The following DPYD variants were observed in gnomAD, a reference collection of about 807,000 sequenced individuals.
DPYD encodes the protein dihydropyrimidine dehydrogenase.
A neutral mutation model predicts 116.2 loss-of-function variants in DPYD; 109 were observed. The observed-to-expected ratio is 0.94, with a 90% CI of 0.80 to 1.10. The LOEUF (loss-of-function observed/expected upper bound fraction) is 1.10. Ranked by LOEUF, DPYD falls within the 50% of genes least tolerant of loss-of-function variation. DPYD has a pLI of 0.00. For missense variants in DPYD, 1,302 were observed against 1,254.5 expected (o/e 1.04, Z -0.57); for synonymous variants, 440 against 432.0 (o/e 1.02, Z -0.23).
chr1:97,493,092 A>C (rs1440638972), intron 13 of DPYD, among the ~76,000 whole-genome samples: 4 of 152,204 alleles, frequency 2.6e-5, no homozygotes, highest in Non-Finnish European at 5.9e-5. Flanking sequence ...AACAACTTTC[A>C]TTTCAGTGTT....
chr1:97,175,003 C>T (rs1031906619), intron 20 of DPYD, among the ~76,000 whole-genome samples: 18 of 152,028 alleles, frequency 1.2e-4, no homozygotes, highest in Non-Finnish European at 1.0e-4. Flanking sequence ...GTTTCTTTTC[C>T]TTATATGTTT....
At chr1:97,852,949 A>C (rs1670643621) in intron 2 of DPYD, among the ~76,000 whole-genome samples, 1 of 152,194 alleles carries the variant, frequency 6.6e-6, no homozygotes, top group Non-Finnish European at 1.5e-5. Context: ...ATTGAAAATC[A>C]ATTGGCTGTC....
At chr1:97,192,698 A>T (rs1658457745) in intron 20 of DPYD, among the ~76,000 whole-genome samples, 1 of 152,204 alleles carries the variant, frequency 6.6e-6, no homozygotes, top group Non-Finnish European at 1.5e-5. Context: ...TCAAGACTAC[A>T]GTGATTTGAT....
chr1:97,081,015 A>C (rs1649113489), intron 22 of DPYD, among the ~76,000 whole-genome samples: 1 of 152,162 alleles, frequency 6.6e-6, no homozygotes, highest in African/African-American at 2.4e-5. Flanking sequence ...GACGACATGA[A>C]AGTAAATGTG....
intron 2 of DPYD, among the ~76,000 whole-genome samples, chr1:97,839,680 G>T (rs1467182164): frequency 6.6e-6 from 1 of 152,040 alleles, no homozygotes; most frequent in African/African-American, 2.4e-5. Flanking sequence ...ATATATCCTT[G>T]TACATGTGTG....
intron 18 of DPYD, among the ~76,000 whole-genome samples, chr1:97,241,692 T>C (rs1034476715): frequency 4.6e-5 from 7 of 151,884 alleles, no homozygotes; most frequent in South Asian, 2.1e-4. Flanking sequence ...CTTTATACAA[T>C]TGTAGCTTTG....
chr1:97,821,507 AAAG>A (rs1668936902), intron 3 of DPYD, among the ~76,000 whole-genome samples: 1 of 152,160 alleles, frequency 6.6e-6, no homozygotes, highest in South Asian at 2.1e-4. Context: ...AATATGATGA[AAAG>A]AAGTTGAGAA....
intron 19 of DPYD, among the ~76,000 whole-genome samples, chr1:97,228,145 G>GT (rs554575425): frequency 0.066 from 9,242 of 140,878 alleles, 877 homozygotes; most frequent in African/African-American, 0.22. Context: ...GACTTTAGTT[G>GT]TTTTTTTTTT....
At chr1:97,165,048 T>A (rs1322342060) in intron 20 of DPYD, among the ~76,000 whole-genome samples, 7 of 152,128 alleles carry the variant, frequency 4.6e-5, no homozygotes, top group African/African-American at 1.4e-4. Context: ...AAATTATCAA[T>A]GATATTCTTC....
intron 13 of DPYD, among the ~76,000 whole-genome samples, chr1:97,512,489 A>G (rs1299580512): frequency 6.6e-6 from 1 of 151,910 alleles, no homozygotes; most frequent in Non-Finnish European, 1.5e-5. Flanking sequence ...TTATCTGTGC[A>G]GTAATAAAGC....
intron 5 of DPYD, chr1:97,700,069 T>C (rs1661511907): frequency 2.8e-6 from 1 of 350,986 alleles, no homozygotes; most frequent in Admixed American, 3.9e-5. Flanking sequence ...AAAAAAATAG[T>C]TGAAACATTC....
chr1:97,876,567 T>C (rs752076458), intron 2 of DPYD, among the ~76,000 whole-genome samples: 28 of 151,990 alleles, frequency 1.8e-4, no homozygotes, highest in Admixed American at 4.6e-4. Context: ...ATTTGAGAAC[T>C]TGCTGGATAG....
At chr1:97,366,694 G>A (rs961791544) in intron 16 of DPYD, among the ~76,000 whole-genome samples, 3 of 152,064 alleles carry the variant, frequency 2.0e-5, no homozygotes, top group Non-Finnish European at 4.4e-5. Context: ...AAGTCACAAG[G>A]AATGAGAAGA....
At chr1:97,226,960 T>A (rs1333512426) in intron 19 of DPYD, among the ~76,000 whole-genome samples, 1 of 152,062 alleles carries the variant, frequency 6.6e-6, no homozygotes, top group Non-Finnish European at 1.5e-5. Context: ...ATCATAGAAA[T>A]AAACAGTGCC....
intron 12 of DPYD, among the ~76,000 whole-genome samples, chr1:97,524,130 G>A (rs1409454616): frequency 6.6e-6 from 1 of 152,126 alleles, no homozygotes; most frequent in African/African-American, 2.4e-5. Flanking sequence ...CTGTAACGGG[G>A]AGAAACCCAA....
At chr1:97,229,574 ATATATATATATAT>A (rs1414007115) in intron 19 of DPYD, among the ~76,000 whole-genome samples, 5,480 of 84,426 alleles carry the variant, frequency 0.065, 211 homozygotes, top group Middle Eastern at 0.093. Context: ...ATATATATAT[ATATATATATATAT>A]ATACTGATTT....
intron 8 of DPYD, among the ~76,000 whole-genome samples, chr1:97,613,733 A>G (rs540413452): frequency 6.6e-6 from 1 of 152,042 alleles, no homozygotes; most frequent in East Asian, 1.9e-4. Flanking sequence ...TGACAGAAAT[A>G]AGATAAATAG....
At chr1:97,511,141 C>T (rs2101962184) in intron 13 of DPYD, among the ~76,000 whole-genome samples, 1 of 152,060 alleles carries the variant, frequency 6.6e-6, no homozygotes, top group East Asian at 1.9e-4. Context: ...TGCCAACCCA[C>T]ATGACTATAG....
chr1:97,606,232 A>C (rs1373649538), intron 8 of DPYD, among the ~76,000 whole-genome samples: 1 of 152,122 alleles, frequency 6.6e-6, no homozygotes, highest in Non-Finnish European at 1.5e-5. Flanking sequence ...GCTAAACACC[A>C]TATTAGGTGA....
Sources: gnomAD v4.1 joint callset for allele counts (sites outside exome capture counted in the v4.1 genomes callset) on GRCh38, gnomAD v4.1.1 for gene constraint, MANE v1.5 for transcripts, NCBI Gene and HGNC (gene_info 2026-07-23, HGNC 2026-07-21) for gene names.